Variants in TLK1 observed in about 807,000 individuals in gnomAD.
TLK1 encodes the protein tousled like kinase 1, also known as serine/threonine-protein kinase tousled-like 1.
Under a neutral mutation model 105.3 loss-of-function variants are expected in TLK1, and 24 were observed. The ratio of observed to expected loss-of-function variants is 0.23; its 90% CI spans 0.17 to 0.32. TLK1 has a LOEUF of 0.32. Among genes scored for constraint, TLK1 ranks in the 10% least tolerant of loss-of-function variants. The pLI, the probability that TLK1 is intolerant of heterozygous loss-of-function variation, is 1.00. For synonymous variants in TLK1, 321 were observed against 310.4 expected (o/e 1.03, Z -0.36); for missense variants, 558 against 910.5 (o/e 0.61, Z 4.98).
intron 11 of TLK1, among the ~76,000 whole-genome samples, chr2:171,030,775 TTTGA>T (rs1300681962): frequency 1.3e-5 from 2 of 152,196 alleles, no homozygotes; most frequent in African/African-American, 4.8e-5. Flanking sequence ...AATTCTGTAC[TTTGA>T]TTTTTACTGA....
At chr2:171,162,461 C>T (rs1487691149), upstream of TLK1, among the ~76,000 whole-genome samples, 1 of 152,170 alleles carries the variant, frequency 6.6e-6, no homozygotes, top group Non-Finnish European at 1.5e-5. Flanking sequence ...TCGCTTGAAC[C>T]CGGGAGGCAG....
intron 1 of TLK1, among the ~76,000 whole-genome samples, chr2:171,154,993 T>G (rs367879448): frequency 2.6e-5 from 4 of 152,200 alleles, no homozygotes; most frequent in Non-Finnish European, 5.9e-5. Context: ...TTGTTATAAG[T>G]AATGATACAT....
At chr2:171,068,426 G>A (rs1558921931) in intron 3 of TLK1, among the ~76,000 whole-genome samples, 1 of 152,072 alleles carries the variant, frequency 6.6e-6, no homozygotes, top group Non-Finnish European at 1.5e-5. Flanking sequence ...CCTGCCTCAG[G>A]CTCCCAAGTA....
At chr2:171,058,869 G>T (rs1028221542) in intron 4 of TLK1, among the ~76,000 whole-genome samples, 1 of 152,094 alleles carries the variant, frequency 6.6e-6, no homozygotes, top group African/African-American at 2.4e-5. Flanking sequence ...ATTTCTTCAA[G>T]TTACAACTAG....
At chr2:171,151,767 G>A (rs1040077125) in intron 1 of TLK1, among the ~76,000 whole-genome samples, 2 of 152,106 alleles carry the variant, frequency 1.3e-5, no homozygotes, top group African/African-American at 2.4e-5. Flanking sequence ...GAGCCACCGC[G>A]CCCAGCCATG....
intron 1 of TLK1, among the ~76,000 whole-genome samples, chr2:171,120,373 A>G (rs1690606445): frequency 6.6e-6 from 1 of 152,044 alleles, no homozygotes; most frequent in South Asian, 2.1e-4. Context: ...CACAGAATGG[A>G]AAAAATATCT....
chr2:170,993,579 T>C lies in TLK1; in HGVS notation c.*201A>G, dbSNP rs1683887381. On this transcript the variant is annotated 3_prime_UTR_variant, in exon 21 of 21. Transcript: ENST00000431350. ...CTGCTCAAAATTATAGTCAGAAGTG[T>C]GCATTTATTCATTGTCCATGATCCT... is the stretch of plus-strand genomic sequence containing the variant. 4 of 425,706 alleles carry C rather than the reference T, an allele frequency of 9.4e-6. No homozygotes were observed. Among genetic ancestry groups the C allele is most frequent in the Non-Finnish European group, 1.6e-5 (4 of 250,716 alleles). The allele number at this position is 425,706 out of a possible 1,614,324, so 26.4% of individuals were successfully genotyped here. A position where few individuals can be genotyped will look rare whatever the true frequency, so the allele number is the denominator to read the frequency against.
At chr2:171,063,408 A>C (rs1398399581) in intron 3 of TLK1, among the ~76,000 whole-genome samples, 2 of 152,160 alleles carry the variant, frequency 1.3e-5, no homozygotes, top group Non-Finnish European at 2.9e-5. Context: ...ATTTATTCAT[A>C]TCCTTCCTAA....
chr2:171,150,040 A>G (rs1336722527), intron 1 of TLK1, among the ~76,000 whole-genome samples: 2 of 152,254 alleles, frequency 1.3e-5, no homozygotes, highest in African/African-American at 4.8e-5. Flanking sequence ...ACTGCATTAG[A>G]TATTTGCTCA....
chr2:171,158,741 C>G (rs1692331907), intron 1 of TLK1, among the ~76,000 whole-genome samples: 1 of 152,188 alleles, frequency 6.6e-6, no homozygotes, highest in Admixed American at 6.5e-5. Flanking sequence ...GCATCAACTT[C>G]TCTATGAAAT....
At chr2:171,079,966 A>C (rs1464881986) in intron 3 of TLK1, among the ~76,000 whole-genome samples, 1 of 152,214 alleles carries the variant, frequency 6.6e-6, no homozygotes, top group Non-Finnish European at 1.5e-5. Flanking sequence ...ATTATATTAA[A>C]ATATGGATAT....
intron 11 of TLK1, among the ~76,000 whole-genome samples, chr2:171,032,443 A>G: frequency 6.6e-6 from 1 of 152,184 alleles, no homozygotes; most frequent in Non-Finnish European, 1.5e-5. Context: ...ACTTCTATAC[A>G]CCAGCAATGA....
At chr2:171,205,873 C>A (rs572435284) in intron 1 of TLK1, among the ~76,000 whole-genome samples, 1 of 152,144 alleles carries the variant, frequency 6.6e-6, no homozygotes, top group Non-Finnish European at 1.5e-5. Flanking sequence ...ATTATATACA[C>A]AGAAAGGCAA....
intron 10 of TLK1, among the ~76,000 whole-genome samples, chr2:171,049,238 C>T (rs2052808): frequency 0.57 from 86,413 of 151,952 alleles, 26,653 homozygotes; most frequent in East Asian, 0.95. Flanking sequence ...AGCAATATAC[C>T]CCTGTAACAA....
At chr2:171,052,679 A>G (rs10490606) in intron 8 of TLK1, among the ~76,000 whole-genome samples, 20,498 of 152,252 alleles carry the variant, frequency 0.13, 1,988 homozygotes, top group African/African-American at 0.27. Flanking sequence ...ATGTAAGCAC[A>G]TATTTAATAC....
chr2:171,213,604 G>GT (rs954049211), intron 1 of TLK1, among the ~76,000 whole-genome samples: 2 of 151,066 alleles, frequency 1.3e-5, no homozygotes, highest in African/African-American at 4.9e-5. Context: ...GGGCAACATA[G>GT]TAAGAATTAC....
At chr2:171,082,418 G>A (rs1688796306) in intron 3 of TLK1, among the ~76,000 whole-genome samples, 1 of 151,786 alleles carries the variant, frequency 6.6e-6, no homozygotes, top group Non-Finnish European at 1.5e-5. Context: ...CTCTTACTAA[G>A]GATCAAACTA....
intron 1 of TLK1, among the ~76,000 whole-genome samples, chr2:171,172,975 T>C (rs1418642413): frequency 6.6e-6 from 1 of 152,246 alleles, no homozygotes; most frequent in Non-Finnish European, 1.5e-5. Flanking sequence ...ACTTTAACTG[T>C]ATAACATACA....
At chr2:171,112,017 C>T (rs935379895) in intron 2 of TLK1, among the ~76,000 whole-genome samples, 1 of 152,072 alleles carries the variant, frequency 6.6e-6, no homozygotes, top group Non-Finnish European at 1.5e-5. Context: ...AGTGGCATGA[C>T]CCTGGCGCAC....
Sources: gnomAD v4.1 joint callset for allele counts (sites outside exome capture counted in the v4.1 genomes callset) on GRCh38, gnomAD v4.1.1 for gene constraint, MANE v1.5 for transcripts, NCBI Gene and HGNC (gene_info 2026-07-23, HGNC 2026-07-21) for gene names.